Variants in FHL3 observed in about 807,000 individuals in gnomAD.
FHL3 encodes four and a half LIM domains 3.
A neutral mutation model predicts 34.3 loss-of-function variants in FHL3; 21 were observed. The observed-to-expected ratio is 0.61, with a 90% CI of 0.43 to 0.88. The LOEUF is 0.88. FHL3 is among the 40% of genes least tolerant of loss of function. The probability of loss-of-function intolerance (pLI) is 0.00; values close to 1 mark genes in which losing one functional copy is unlikely to be tolerated. For missense variants in FHL3, 333 were observed against 373.7 expected (o/e 0.89, Z 0.90); for synonymous variants, 137 against 144.6 (o/e 0.95, Z 0.38).
At chr1:38,000,872 C>T (rs1051632091) in intron 1 of FHL3, among the ~76,000 whole-genome samples, 8 of 152,044 alleles carry the variant, frequency 5.3e-5, no homozygotes, top group African/African-American at 1.4e-4. Flanking sequence ...TGGATGAGCC[C>T]GGGGAAGTTA....
At chr1:38,004,325 C>G (rs1318868487) in intron 1 of FHL3, among the ~76,000 whole-genome samples, 6 of 152,126 alleles carry the variant, frequency 3.9e-5, no homozygotes, top group Non-Finnish European at 8.8e-5. Flanking sequence ...TGGGGCTCTT[C>G]TTGATCTCGA....
intron 1 of FHL3, among the ~76,000 whole-genome samples, chr1:38,004,916 G>C (rs1231754789): frequency 6.6e-6 from 1 of 152,018 alleles, no homozygotes; most frequent in Non-Finnish European, 1.5e-5. Flanking sequence ...CGGCCCCCAT[G>C]CCTCGGGTCT....
chr1:38,000,792 A>G (rs987034722), intron 1 of FHL3, among the ~76,000 whole-genome samples: 2 of 152,018 alleles, frequency 1.3e-5, no homozygotes, highest in African/African-American at 4.8e-5. Flanking sequence ...GCTGCTCTCT[A>G]AGGGCTGGGA....
rs577825823 is a variant in FHL3 at position 38,000,516 on chromosome 1, C to T, written c.-20-1084G>A. On this transcript the variant is annotated intron_variant, in intron 1 of 5. Coordinates refer to ENST00000373016, the MANE Select transcript of FHL3 (RefSeq NM_004468.5). ...AGACATTTTCTCCCCAATCAGGCCC[C>T]ATCTTGGGTGGGGAGTAGGACAAGG... Among the ~76,000 whole-genome samples the T allele has an allele frequency of 6.6e-5, 10 of 152,240 alleles. No homozygotes were observed. The South Asian group carries it at 1.2e-3, about 19-fold the overall frequency.
At position 37,999,340 on chromosome 1, in the gene FHL3, CGCT is replaced by C. The variant is rs1557762637; in HGVS notation, c.70_72del (p.Ser24del). The C allele has an allele frequency of 6.2e-7, 1 of 1,614,226 alleles. No individual in the cohort carries two copies. ...TCATAGCAGGGCACACAGTAGGGGC[CGCT>C]GTCTGTCTGGATGTACTTGCGTCCA... On this transcript the variant is annotated inframe_deletion, in exon 2 of 6. Coordinates refer to ENST00000373016, the MANE Select transcript of FHL3 (RefSeq NM_004468.5).
At position 37,999,371 on chromosome 1, in the gene FHL3, C is replaced by G; in HGVS notation, c.42G>C (p.Leu14=). The part of the protein sequence containing the change: ...SFDCAKCNES[L]YGRKYIQTDS... ...CTGTCTGGATGTACTTGCGTCCATA[C>G]AGGGACTCGTTGCATTTTGCACAGT... The change falls in exon 2 of 6, where the codon CTG becomes CTC. Residue 14 remains leucine, a synonymous_variant. Coordinates refer to ENST00000373016, the MANE Select transcript of FHL3 (RefSeq NM_004468.5). 20 of 1,614,240 alleles carry G rather than the reference C, an allele frequency of 1.2e-5. No homozygotes were observed. Among genetic ancestry groups the G allele is most frequent in the Non-Finnish European group, 1.6e-5 (19 of 1,180,042 alleles).
At position 37,997,510 on chromosome 1, in the gene FHL3, G is replaced by A; in HGVS notation, c.738C>T (p.His246=). ...YVSFEDRHWH[H]NCFSCARCST... Reference sequence around the variant, plus strand: ...AGCAGCGGGCGCAGGAGAAGCAGTTGTGGTGCCAGTGTCGGTCTTCAAAGG... The same window carrying A: ...AGCAGCGGGCGCAGGAGAAGCAGTTATGGTGCCAGTGTCGGTCTTCAAAGG... The change falls in exon 6 of 6, where the codon CAC becomes CAT. Residue 246 remains histidine, a synonymous_variant. Transcript: ENST00000373016. This position sits in a 1 kb window ranked among gnomAD's most constrained non-coding sequence, Gnocchi z 4.3. 1 of 1,612,844 alleles carries A rather than the reference G, an allele frequency of 6.2e-7. No individual in the cohort carries two copies. The highest frequency in any genetic ancestry group is 8.5e-7 in the Non-Finnish European group (1 of 1,179,564).
At chr1:37,998,909 C>T in intron 3 of FHL3, 65 bp downstream of exon 3, 1 of 1,526,766 alleles carries the variant, frequency 6.5e-7, no homozygotes. Context: ...ATGTATCAGA[C>T]AGACACATGC....
intron 3 of FHL3, among the ~76,000 whole-genome samples, chr1:37,998,431 G>GTTA (rs1646557829): frequency 6.6e-6 from 1 of 152,062 alleles, no homozygotes; most frequent in Non-Finnish European, 1.5e-5. Context: ...GTCTCACTAA[G>GTTA]AGCTAAGCCC....
chr1:37,997,527 C>A lies in FHL3; in HGVS notation c.721G>T (p.Asp241Tyr). 2.5e-6 allele frequency: 4 copies of A among 1,613,204 alleles called. No individual in the cohort carries two copies. Among genetic ancestry groups the A allele is most frequent in the Non-Finnish European group, 3.4e-6 (4 of 1,179,702 alleles). ...AAGCAGTTGTGGTGCCAGTGTCGGT[C>A]TTCAAAGGACACATACTTGCCTCCA... ...LGGGKYVSFE[D>Y]RHWHHNCFSC... The change falls in exon 6 of 6, where the codon GAC becomes TAC. Residue 241 changes from aspartate to tyrosine, a missense_variant. Transcript: ENST00000373016. The surrounding 1 kb of genome is among the most constrained non-coding windows in gnomAD (Gnocchi z 4.3).
chr1:37,998,812 A>C (rs1211138306), intron 3 of FHL3, 162 bp downstream of exon 3: 1 of 687,488 alleles, frequency 1.5e-6, no homozygotes, highest in Non-Finnish European at 2.5e-6. Flanking sequence ...AGTAGCCCCC[A>C]GGAGTATACC....
intron 1 of FHL3, among the ~76,000 whole-genome samples, chr1:37,999,808 C>A (rs921256413): frequency 6.6e-6 from 1 of 152,234 alleles, no homozygotes; most frequent in African/African-American, 2.4e-5. Flanking sequence ...GGAGCCACCC[C>A]ACTCTACTCC....
At chr1:38,003,072 T>C (rs1646611522) in intron 1 of FHL3, among the ~76,000 whole-genome samples, 1 of 151,936 alleles carries the variant, frequency 6.6e-6, no homozygotes, top group African/African-American at 2.4e-5. Flanking sequence ...GCAGGAGAAT[T>C]GCTTGAACCG....
Position 37,997,376 on chromosome 1 carries a change from T to C in FHL3, c.*29A>G. The C allele has an allele frequency of 6.3e-7, 1 of 1,593,242 alleles. No homozygotes were observed. On this transcript the variant is annotated 3_prime_UTR_variant, in exon 6 of 6. Transcript: ENST00000373016. The surrounding 1 kb of genome is among the most constrained non-coding windows in gnomAD (Gnocchi z 4.3). ...GAGCCACAGTCCTGGGCCCGTGGTA[T>C]GGGAAAGCCTGGGTCCAGGAGCCCT...
At chr1:38,003,741 G>A (rs1646617668) in intron 1 of FHL3, among the ~76,000 whole-genome samples, 1 of 152,146 alleles carries the variant, frequency 6.6e-6, no homozygotes, top group Admixed American at 6.5e-5. Context: ...CAGGACCCAG[G>A]TCCCCTGCCT....
At chr1:38,004,787 A>C (rs1474913427) in intron 1 of FHL3, among the ~76,000 whole-genome samples, 1 of 152,290 alleles carries the variant, frequency 6.6e-6, no homozygotes, top group Non-Finnish European at 1.5e-5. Context: ...CAGATTCAGC[A>C]TGAGGCCAAT....
chr1:38,000,435 G>A (rs549634038), intron 1 of FHL3, among the ~76,000 whole-genome samples: 1 of 152,008 alleles, frequency 6.6e-6, no homozygotes, highest in Non-Finnish European at 1.5e-5. Flanking sequence ...CACCTTTTCC[G>A]ATTTCTCAGG....
chr1:37,997,225 G>GA lies in FHL3; in HGVS notation c.*179_*180insT. On this transcript the variant is annotated 3_prime_UTR_variant, in exon 6 of 6. Transcript: ENST00000373016. This position sits in a 1 kb window ranked among gnomAD's most constrained non-coding sequence, Gnocchi z 4.3. ...TCATGGAGGCTCTGTAAGAGCCCAG[G>GA]TTTGGGGCCCTGGGTCAGGGAGTAC... is the stretch of plus-strand genomic sequence containing the variant. The GA allele has an allele frequency of 4.6e-6, 3 of 653,282 alleles. No homozygotes were observed. The highest frequency in any genetic ancestry group is 7.9e-6 in the Non-Finnish European group (3 of 377,446). 40.5% of individuals were successfully genotyped at this position (653,282 alleles called of 1,614,324 possible).
chr1:38,005,099 A>C (rs1381547474), intron 1 of FHL3, among the ~76,000 whole-genome samples: 1 of 151,096 alleles, frequency 6.6e-6, no homozygotes, highest in Non-Finnish European at 1.5e-5. Context: ...CGGCTTTTCT[A>C]TTTCAAACTT....
Sources: allele counts gnomAD v4.1 joint callset (sites outside exome capture counted in the v4.1 genomes callset), GRCh38; gene constraint gnomAD v4.1.1; non-coding constraint Gnocchi (gnomAD v3.1); transcripts MANE v1.5; gene names NCBI Gene and HGNC (gene_info 2026-07-23, HGNC 2026-07-21).